The following GRIK2 variants were observed in gnomAD, a reference collection of about 807,000 sequenced individuals.
GRIK2 encodes the protein glutamate ionotropic receptor kainate type subunit 2, also known as glutamate receptor ionotropic, kainate 2.
Under a neutral mutation model 100.3 loss-of-function variants are expected in GRIK2, and 32 were observed. The observed-to-expected ratio is 0.32, with a 90% CI of 0.24 to 0.43. GRIK2 has a LOEUF of 0.43. GRIK2 is among the 20% of genes least tolerant of loss of function. GRIK2 has a pLI of 1.00. For missense variants in GRIK2, 843 were observed against 1,114.9 expected, an observed-to-expected ratio of 0.76 and a Z score of 3.47; for synonymous variants, 417 against 389.4, an observed-to-expected ratio of 1.07 and a Z score of -0.83.
At chr6:101,928,657 T>C in intron 14 of GRIK2, 25 bp downstream of exon 14, 1 of 1,172,004 alleles carries the variant, frequency 8.5e-7, no homozygotes, top group Non-Finnish European at 1.3e-6. Flanking sequence ...TTACCTAAAA[T>C]TTACAAATTA....
At chr6:101,691,171 C>T (rs1048610570) in intron 7 of GRIK2, among the ~76,000 whole-genome samples, 7 of 152,096 alleles carry the variant, frequency 4.6e-5, no homozygotes, top group African/African-American at 1.7e-4. Flanking sequence ...TCATTAGTTC[C>T]TCTAATTTCC....
intron 14 of GRIK2, among the ~76,000 whole-genome samples, chr6:102,026,782 A>G (rs373879197): frequency 8.6e-5 from 13 of 151,390 alleles, no homozygotes; most frequent in Admixed American, 7.3e-4. Context: ...TTAAGAGATT[A>G]CAGATGCCTT....
intron 14 of GRIK2, among the ~76,000 whole-genome samples, chr6:102,013,624 G>A (rs1054037741): frequency 1.3e-5 from 2 of 152,022 alleles, no homozygotes; most frequent in African/African-American, 2.4e-5. Flanking sequence ...CTAATTTGTT[G>A]AGAGTTTTTA....
At chr6:102,062,025 ATTTTTT>A (rs35074221) in intron 16 of GRIK2, among the ~76,000 whole-genome samples, 1 of 146,174 alleles carries the variant, frequency 6.8e-6, no homozygotes, top group Non-Finnish European at 1.5e-5. Context: ...GTCAGACCTT[ATTTTTT>A]TTTTTAACTA....
At position 101,809,679 on chromosome 6, in the gene GRIK2, G is replaced by A. The variant is rs1021246211; in HGVS notation, c.1203+7241G>A. Among the ~76,000 whole-genome samples, 8 of 151,884 alleles carry A rather than the reference G, an allele frequency of 5.3e-5. No homozygotes were observed. In the East Asian group the frequency reaches 5.8e-4, roughly 11 times the overall value. On this transcript the variant is annotated intron_variant, in intron 9 of 16. Coordinates refer to ENST00000369134, the MANE Select transcript of GRIK2 (RefSeq NM_021956.5). ...GCAATTTTAATGGTGATGTTAACTC[G>A]TAAACTTTAAATTAGTCAAAAAGTG...
At chr6:101,560,211 A>G (rs2128295311) in intron 2 of GRIK2, among the ~76,000 whole-genome samples, 1 of 152,248 alleles carries the variant, frequency 6.6e-6, no homozygotes, top group Non-Finnish European at 1.5e-5. Flanking sequence ...ACTGTGGTAG[A>G]TTGTTCTAAT....
intron 4 of GRIK2, among the ~76,000 whole-genome samples, chr6:101,630,091 A>G (rs142185575): frequency 5.4e-4 from 82 of 152,222 alleles, no homozygotes; most frequent in African/African-American, 1.9e-3. Flanking sequence ...TATATGTACC[A>G]CATTTTCTTT....
At chr6:101,773,200 GC>G (rs762515069) in intron 7 of GRIK2, among the ~76,000 whole-genome samples, 10 of 152,262 alleles carry the variant, frequency 6.6e-5, no homozygotes, top group Non-Finnish European at 1.2e-4. Flanking sequence ...AGTGAAGAGG[GC>G]CAGGTGCTGT....
At chr6:101,759,830 C>G (rs1053167697) in intron 7 of GRIK2, among the ~76,000 whole-genome samples, 9 of 151,510 alleles carry the variant, frequency 5.9e-5, no homozygotes, top group Non-Finnish European at 1.5e-5. Context: ...TAATCACTAG[C>G]TAGATAAATG....
rs370227684 is a variant in GRIK2, at chr6:101,799,704, G to T, written c.1008G>T (p.Gln336His). 1 of 1,612,924 alleles carries T rather than the reference G, an allele frequency of 6.2e-7. No individual in the cohort carries two copies. The highest frequency in any genetic ancestry group is 1.3e-5 in the African/African-American group (1 of 74,964). Residue 336 changes from glutamine (Q) to histidine (H), a missense_variant, in exon 8 of 17, where the codon CAG becomes CAT. Gln to His is a conservative substitution (Grantham distance 24). Transcript: ENST00000369134. ...ATGTGGTGTCTGTGGCCGTTCAACA[G>T]TTTCCCCAGATGACAGTCAGTTCCT... ...AVHVVSVAVQ[Q>H]FPQMTVSSLQ...
chr6:101,447,709 G>A (rs1287785903), intron 2 of GRIK2, among the ~76,000 whole-genome samples: 1 of 151,644 alleles, frequency 6.6e-6, no homozygotes, highest in African/African-American at 2.4e-5. Flanking sequence ...AACTATTGAT[G>A]AGACATTATG....
In GRIK2 at chr6:101,505,182, A is replaced by G. The variant is rs9498604; in HGVS notation, c.115+105790A>G. Among the ~76,000 whole-genome samples, 438 of 152,150 alleles carry G rather than the reference A, an allele frequency of 2.9e-3. 2 individuals are homozygous for G. Among genetic ancestry groups the G allele is most frequent in the African/African-American group, 0.01 (427 of 41,524 alleles). ...TTTTTTAAATCACTCACATTGTTCA[A>G]TTATCATACATTTCTGTTTCATTTT... On this transcript the variant is annotated intron_variant, in intron 2 of 16. Coordinates refer to ENST00000369134, the MANE Select transcript of GRIK2 (RefSeq NM_021956.5).
At position 101,607,502 on chromosome 6, in the gene GRIK2, A is replaced by G. The variant is rs963388096; in HGVS notation, c.116-14447A>G. ...TGCTGCTGAAACGTGTTATTCTTTA[A>G]CTTACCAGAGGTAGAAAGAGAGCTT... On this transcript the variant is annotated intron_variant, in intron 2 of 16. Coordinates refer to ENST00000369134, the MANE Select transcript of GRIK2 (RefSeq NM_021956.5). Among the ~76,000 whole-genome samples, 19 of 152,016 alleles carry G rather than the reference A, an allele frequency of 1.2e-4. 1 individual carries two copies. The highest frequency in any genetic ancestry group is 3.3e-4 in the Admixed American group (5 of 15,238).
At chr6:102,009,725 T>C (rs1473826945) in intron 14 of GRIK2, among the ~76,000 whole-genome samples, 1 of 152,156 alleles carries the variant, frequency 6.6e-6, no homozygotes, top group Non-Finnish European at 1.5e-5. Flanking sequence ...TTTTCCAAAC[T>C]CTTACGGTGT....
chr6:101,846,670 G>A (rs1783828521), intron 10 of GRIK2, among the ~76,000 whole-genome samples: 1 of 152,068 alleles, frequency 6.6e-6, no homozygotes, highest in South Asian at 2.1e-4. Context: ...GGTTCTGGAT[G>A]ACTGGTTCAA....
At chr6:101,840,550 C>T (rs1043040261) in intron 10 of GRIK2, among the ~76,000 whole-genome samples, 3 of 152,312 alleles carry the variant, frequency 2.0e-5, no homozygotes, top group Non-Finnish European at 4.4e-5. Flanking sequence ...CATATTTTGT[C>T]TTGCTGGCAT....
At chr6:101,810,962 G>A (rs539259333) in intron 9 of GRIK2, among the ~76,000 whole-genome samples, 4 of 152,152 alleles carry the variant, frequency 2.6e-5, no homozygotes, top group African/African-American at 9.6e-5. Flanking sequence ...TGTATATTCA[G>A]TCAATTGCAG....
At position 101,488,458 on chromosome 6, in the gene GRIK2, A is replaced by AT. The variant is rs998680798; in HGVS notation, c.115+89070dup. Among the ~76,000 whole-genome samples, 7 of 146,920 alleles carry AT rather than the reference A, an allele frequency of 4.8e-5. 1 individual carries two copies. Among genetic ancestry groups the AT allele is most frequent in the Non-Finnish European group, 1.0e-4 (7 of 66,674 alleles). The stretch of plus-strand genomic sequence containing the variant: ...TAATTATAATGTAAACTTGTTAAAG[A>AT]TTTTCATGTAAAAGGTGAAGACGAA... On this transcript the variant is annotated intron_variant, in intron 2 of 16. Coordinates refer to ENST00000369134, the MANE Select transcript of GRIK2 (RefSeq NM_021956.5).
At chr6:102,060,832 TTAC>T (rs1771712653) in intron 16 of GRIK2, among the ~76,000 whole-genome samples, 1 of 150,702 alleles carries the variant, frequency 6.6e-6, no homozygotes, top group African/African-American at 2.4e-5. Flanking sequence ...TAATATCATA[TTAC>T]TTTTTCTTAA....
Sources: allele counts gnomAD v4.1 joint callset (sites outside exome capture counted in the v4.1 genomes callset), GRCh38; gene constraint gnomAD v4.1.1; transcripts MANE v1.5; gene names NCBI Gene and HGNC (gene_info 2026-07-23, HGNC 2026-07-21).